Variants in FOXN3 observed in about 807,000 individuals in gnomAD.
The protein encoded by FOXN3 is forkhead box protein N3.
A neutral mutation model predicts 38.4 loss-of-function variants in FOXN3; 7 were observed. The ratio of observed to expected loss-of-function variants is 0.18; its 90% CI spans 0.10 to 0.34. The LOEUF is 0.34. Among genes scored for constraint, FOXN3 ranks in the 10% least tolerant of loss-of-function variants. The probability of loss-of-function intolerance (pLI) is 1.00; values close to 1 mark genes in which losing one functional copy is unlikely to be tolerated. For missense variants in FOXN3, 456 were observed against 613.4 expected (o/e 0.74, Z 2.71); for synonymous variants, 230 against 242.2 (o/e 0.95, Z 0.47).
rs1224980740 is a variant in FOXN3, at chr14:89,401,249, C to G, written c.543+10685G>C. On this transcript the variant is annotated intron_variant, in intron 2 of 5. Transcript: ENST00000557258. ...CTGAGGTCAGGAGTTCAAGACCAGCCTGGCCAACATGGTGAAACCCCGTTT... is the reference window on the plus strand; with the variant it reads ...CTGAGGTCAGGAGTTCAAGACCAGCGTGGCCAACATGGTGAAACCCCGTTT... Among the ~76,000 whole-genome samples, 6 of 152,114 alleles carry G rather than the reference C, an allele frequency of 3.9e-5. No individual in the cohort carries two copies. The East Asian group carries it at 1.2e-3, about 29-fold the overall frequency.
intron 3 of FOXN3, among the ~76,000 whole-genome samples, chr14:89,341,084 A>T (rs945200997): frequency 6.6e-6 from 1 of 152,168 alleles, no homozygotes; most frequent in African/African-American, 2.4e-5. Flanking sequence ...AAGAGCTGGA[A>T]GCGATAACCC....
chr14:89,357,820 G>A (rs1338554286), intron 2 of FOXN3, among the ~76,000 whole-genome samples: 1 of 152,094 alleles, frequency 6.6e-6, no homozygotes, highest in African/African-American at 2.4e-5. Context: ...ATTGCCTAAC[G>A]ACGTATTTCT....
intron 2 of FOXN3, among the ~76,000 whole-genome samples, chr14:89,410,165 T>G (rs1169329661): frequency 6.6e-6 from 1 of 151,926 alleles, no homozygotes; most frequent in Non-Finnish European, 1.5e-5. Context: ...ACGTCCAATT[T>G]GAGCAAGGAG....
At chr14:89,411,396 C>CA (rs1198362194) in intron 2 of FOXN3, among the ~76,000 whole-genome samples, 1 of 152,172 alleles carries the variant, frequency 6.6e-6, no homozygotes, top group Non-Finnish European at 1.5e-5. Context: ...GTCACCTGGG[C>CA]AACTCATGTC....
intron 4 of FOXN3, among the ~76,000 whole-genome samples, chr14:89,259,395 T>A (rs1184631009): frequency 6.6e-6 from 1 of 152,190 alleles, no homozygotes; most frequent in African/African-American, 2.4e-5. Flanking sequence ...CCCTCTTTGC[T>A]CTGGTCACTA....
chr14:89,583,577 T>C (rs904840351), intron 1 of FOXN3, among the ~76,000 whole-genome samples: 1 of 152,232 alleles, frequency 6.6e-6, no homozygotes, highest in African/African-American at 2.4e-5. Context: ...TTTTTGTTTT[T>C]TGAAATGGAG....
intron 1 of FOXN3, among the ~76,000 whole-genome samples, chr14:89,413,791 G>C (rs1477661954): frequency 7.8e-6 from 1 of 128,960 alleles, no homozygotes; most frequent in African/African-American, 3.0e-5. Context: ...GAAGGGAAGG[G>C]AAAGAAGAAA....
chr14:89,432,693 T>C (rs779915487), intron 1 of FOXN3, among the ~76,000 whole-genome samples: 2 of 152,168 alleles, frequency 1.3e-5, no homozygotes, highest in African/African-American at 2.4e-5. Flanking sequence ...CTCCAAGATC[T>C]CATTTCCAAG....
At chr14:89,472,053 C>T (rs184091101) in intron 1 of FOXN3, among the ~76,000 whole-genome samples, 61 of 151,840 alleles carry the variant, frequency 4.0e-4, no homozygotes, top group African/African-American at 1.4e-3. Context: ...GTCAAGAGTT[C>T]GAGACCAGCC....
intron 1 of FOXN3, among the ~76,000 whole-genome samples, chr14:89,447,339 G>A (rs1281653414): frequency 2.0e-5 from 3 of 152,104 alleles, no homozygotes; most frequent in Non-Finnish European, 4.4e-5. Flanking sequence ...CAGTCATACA[G>A]GAGAGTGAAC....
intron 1 of FOXN3, among the ~76,000 whole-genome samples, chr14:89,616,090 A>C (rs1448966598): frequency 6.6e-6 from 1 of 152,236 alleles, no homozygotes; most frequent in Non-Finnish European, 1.5e-5. Flanking sequence ...CAAGATTAGA[A>C]AAATATAAGA....
intron 4 of FOXN3, among the ~76,000 whole-genome samples, chr14:89,243,297 G>A (rs1306030749): frequency 6.6e-6 from 1 of 152,196 alleles, no homozygotes; most frequent in Non-Finnish European, 1.5e-5. Context: ...AAATAAGCAA[G>A]CATTTACAAC....
At position 89,158,488 on chromosome 14, in the gene FOXN3, C is replaced by T. The variant is rs1346925678; in HGVS notation, c.*3926G>A. 1 of 152,622 alleles carries T rather than the reference C, an allele frequency of 6.6e-6. No individual in the cohort carries two copies. Among genetic ancestry groups the T allele is most frequent in the Non-Finnish European group, 1.5e-5 (1 of 68,038 alleles). 9.5% of individuals were successfully genotyped at this position (152,622 alleles called of 1,614,324 possible). ...TGAGACCTGCCACAATCGTTTTGGCCATGGTTTTCTCCAACCACCAGTGAA... is the reference window on the plus strand; with the variant it reads ...TGAGACCTGCCACAATCGTTTTGGCTATGGTTTTCTCCAACCACCAGTGAA... On this transcript the variant is annotated 3_prime_UTR_variant, in exon 6 of 6. Transcript: ENST00000557258.
intron 1 of FOXN3, among the ~76,000 whole-genome samples, chr14:89,492,703 C>A (rs944199303): frequency 6.6e-6 from 1 of 152,148 alleles, no homozygotes; most frequent in Admixed American, 6.5e-5. Context: ...CAAAGTGAGA[C>A]CCTGTCTCAA....
chr14:89,514,108 A>G (rs1894155725), intron 1 of FOXN3, among the ~76,000 whole-genome samples: 1 of 152,122 alleles, frequency 6.6e-6, no homozygotes, highest in South Asian at 2.1e-4. Context: ...AAGACAAGAT[A>G]ATAAGGGGAC....
At chr14:89,574,173 C>T (rs142244670) in intron 1 of FOXN3, among the ~76,000 whole-genome samples, 13 of 152,180 alleles carry the variant, frequency 8.5e-5, no homozygotes, top group African/African-American at 2.9e-4. Context: ...TCCCTTCAGC[C>T]CCTACTCAAT....
intron 2 of FOXN3, among the ~76,000 whole-genome samples, chr14:89,411,291 T>C (rs1384155704): frequency 6.6e-6 from 1 of 152,190 alleles, no homozygotes; most frequent in Non-Finnish European, 1.5e-5. Flanking sequence ...TTAAAGTCAA[T>C]ATTAAACTTT....
intron 2 of FOXN3, among the ~76,000 whole-genome samples, chr14:89,381,870 A>T (rs1232495065): frequency 6.7e-6 from 1 of 150,316 alleles, no homozygotes; most frequent in African/African-American, 2.4e-5. Flanking sequence ...AGGGGAAGGG[A>T]AGGGGAAAGG....
intron 3 of FOXN3, among the ~76,000 whole-genome samples, chr14:89,308,999 C>A (rs1321217322): frequency 6.6e-6 from 1 of 152,140 alleles, no homozygotes; most frequent in African/African-American, 2.4e-5. Flanking sequence ...TGAGGCCTGG[C>A]CGCACGGTGG....
Sources: gnomAD v4.1 joint callset for allele counts (sites outside exome capture counted in the v4.1 genomes callset) on GRCh38, gnomAD v4.1.1 for gene constraint, MANE v1.5 for transcripts, NCBI Gene and HGNC (gene_info 2026-07-23, HGNC 2026-07-21) for gene names.